The following SAMD12 variants were observed in gnomAD, a reference collection of about 807,000 sequenced individuals.
SAMD12 encodes the protein sterile alpha motif domain-containing protein 12.
SAMD12 carries 9 observed loss-of-function variants against 15.0 expected under a neutral mutation model. The observed-to-expected ratio is 0.60, with a 90% CI of 0.36 to 1.05. SAMD12 has a LOEUF of 1.05. Ranked by LOEUF, SAMD12 falls within the 50% of genes least tolerant of loss-of-function variation. The pLI is 0.01. For missense variants in SAMD12, 230 were observed against 234.2 expected (o/e 0.98, Z 0.12); for synonymous variants, 86 against 90.1 (o/e 0.96, Z 0.25).
At chr8:118,591,310 A>C (rs1384907721) in intron 1 of SAMD12, among the ~76,000 whole-genome samples, 2 of 152,182 alleles carry the variant, frequency 1.3e-5, no homozygotes, top group Non-Finnish European at 2.9e-5. Flanking sequence ...ATTAGTTGAA[A>C]TCCAAGCTCT....
At chr8:118,606,299 A>G (rs1197812579) in intron 1 of SAMD12, among the ~76,000 whole-genome samples, 1 of 152,192 alleles carries the variant, frequency 6.6e-6, no homozygotes, top group African/African-American at 2.4e-5. Flanking sequence ...AAGCCTCAAG[A>G]AAAAGACTCA....
intron 2 of SAMD12, among the ~76,000 whole-genome samples, chr8:118,516,296 C>T (rs914447069): frequency 6.6e-6 from 1 of 152,218 alleles, no homozygotes; most frequent in Non-Finnish European, 1.5e-5. Flanking sequence ...TATCTAAAAA[C>T]TGCTTTACAA....
intron 4 of SAMD12, among the ~76,000 whole-genome samples, chr8:118,279,341 T>C (rs1262407879): frequency 6.6e-6 from 1 of 152,196 alleles, no homozygotes; most frequent in African/African-American, 2.4e-5. Context: ...ATATTATTAA[T>C]TGAATACACA....
intron 2 of SAMD12, among the ~76,000 whole-genome samples, chr8:118,580,053 T>C (rs987684881): frequency 2.0e-4 from 30 of 152,168 alleles, no homozygotes; most frequent in African/African-American, 6.8e-4. Flanking sequence ...GGTTAAAGAC[T>C]GAAAAGAACT....
intron 2 of SAMD12, among the ~76,000 whole-genome samples, chr8:118,570,775 T>A (rs555002418): frequency 3.9e-5 from 6 of 152,304 alleles, no homozygotes; most frequent in African/African-American, 1.4e-4. Context: ...CCAAATCTCA[T>A]CCTGAATTCC....
At chr8:118,390,246 A>C (rs764608958) in intron 3 of SAMD12, among the ~76,000 whole-genome samples, 2 of 152,052 alleles carry the variant, frequency 1.3e-5, no homozygotes, top group Non-Finnish European at 1.5e-5. Flanking sequence ...CTGACCTCGT[A>C]AGCCGCCTGC....
At chr8:118,301,638 T>C (rs1708771419) in intron 4 of SAMD12, among the ~76,000 whole-genome samples, 1 of 152,242 alleles carries the variant, frequency 6.6e-6, no homozygotes, top group Non-Finnish European at 1.5e-5. Context: ...CATGAATTAT[T>C]CTTCAGAACT....
intron 3 of SAMD12, among the ~76,000 whole-genome samples, chr8:118,393,931 G>T (rs1173150630): frequency 4.6e-5 from 7 of 152,120 alleles, no homozygotes; most frequent in Admixed American, 4.6e-4. Flanking sequence ...GGATCACAAA[G>T]CCCATAACTG....
chr8:118,161,087 T>C, the SAMD12 span, among the ~76,000 whole-genome samples: 1 of 152,176 alleles, frequency 6.6e-6, no homozygotes, highest in Non-Finnish European at 1.5e-5. Context: ...AATGATGGTT[T>C]CCAGTTTCAT....
At chr8:118,287,523 T>G (rs79086006) in intron 4 of SAMD12, among the ~76,000 whole-genome samples, 1 of 152,230 alleles carries the variant, frequency 6.6e-6, no homozygotes, top group East Asian at 1.9e-4. Context: ...ATAAAAATAT[T>G]TGGGATAGTG....
At chr8:118,276,717 T>C (rs1239119796) in intron 4 of SAMD12, among the ~76,000 whole-genome samples, 2 of 152,174 alleles carry the variant, frequency 1.3e-5, no homozygotes, top group Admixed American at 6.6e-5. Context: ...TTGTCAACCA[T>C]GCTGGAGTGC....
intron 4 of SAMD12, among the ~76,000 whole-genome samples, chr8:118,260,026 G>A (rs963152386): frequency 7.2e-5 from 11 of 152,114 alleles, no homozygotes; most frequent in Admixed American, 4.6e-4. Context: ...TCTAGGTGCT[G>A]CATGCACAGT....
the SAMD12 span, among the ~76,000 whole-genome samples, chr8:118,151,176 C>CT: frequency 2.6e-5 from 4 of 151,938 alleles, no homozygotes; most frequent in South Asian, 2.1e-4. Flanking sequence ...TTGTATGAGT[C>CT]TTTTTTTTCT....
At chr8:118,373,924 T>G (rs896857731), downstream of SAMD12, among the ~76,000 whole-genome samples, 1 of 152,152 alleles carries the variant, frequency 6.6e-6, no homozygotes, top group African/African-American at 2.4e-5. Flanking sequence ...TGATGATGAT[T>G]TCAAAAGCTT....
intron 2 of SAMD12, among the ~76,000 whole-genome samples, chr8:118,493,542 G>T (rs1162283352): frequency 6.6e-6 from 1 of 152,172 alleles, no homozygotes; most frequent in Non-Finnish European, 1.5e-5. Context: ...ATCTATGAAT[G>T]TGTTGCCTTC....
intron 4 of SAMD12, among the ~76,000 whole-genome samples, chr8:118,344,361 C>T (rs1817523826): frequency 6.6e-6 from 1 of 152,238 alleles, no homozygotes; most frequent in Admixed American, 6.5e-5. Context: ...AGAATTACAG[C>T]TACCTTCTCC....
chr8:118,519,242 C>G (rs73708817), intron 2 of SAMD12, among the ~76,000 whole-genome samples: 2,770 of 152,272 alleles, frequency 0.018, 81 homozygotes, highest in African/African-American at 0.062. Context: ...TAAATTTCTG[C>G]CCTCCCACCT....
chr8:118,182,618 G>C, the SAMD12 span, among the ~76,000 whole-genome samples: 1 of 152,060 alleles, frequency 6.6e-6, no homozygotes, highest in Non-Finnish European at 1.5e-5. Flanking sequence ...ATAAATAAAA[G>C]CTCTTGAATA....
intron 3 of SAMD12, among the ~76,000 whole-genome samples, chr8:118,389,273 T>C (rs899339303): frequency 6.6e-6 from 1 of 152,258 alleles, no homozygotes; most frequent in Non-Finnish European, 1.5e-5. Flanking sequence ...CATATTTATG[T>C]ATGCTTGATG....
Sources: allele counts gnomAD v4.1 joint callset (sites outside exome capture counted in the v4.1 genomes callset), GRCh38; gene constraint gnomAD v4.1.1; transcripts MANE v1.5; gene names NCBI Gene and HGNC (gene_info 2026-07-23, HGNC 2026-07-21).